Variants in PDE8A observed in about 807,000 individuals in gnomAD.
The protein encoded by PDE8A is high affinity cAMP-specific and IBMX-insensitive 3',5'-cyclic phosphodiesterase 8A.
In PDE8A, 59 loss-of-function variants were observed where a neutral mutation model predicts 105.0. That is an observed-to-expected ratio of 0.56 (90% CI 0.46 to 0.70). PDE8A has a LOEUF of 0.70. Ranked by LOEUF, PDE8A falls within the 30% of genes least tolerant of loss-of-function variation. PDE8A has a pLI of 0.00. For missense variants in PDE8A, 1,014 were observed against 1,045.9 expected (o/e 0.97, Z 0.42); for synonymous variants, 355 against 371.9 (o/e 0.95, Z 0.52).
chr15:85,038,216 G>GGT (rs773765859), intron 1 of PDE8A, among the ~76,000 whole-genome samples: 58 of 48,324 alleles, frequency 1.2e-3, no homozygotes, highest in East Asian at 7.4e-3. Flanking sequence ...CCAATTGGGG[G>GGT]GTGTGTGTGT....
intron 6 of PDE8A, among the ~76,000 whole-genome samples, chr15:85,085,386 ATT>A (rs2081534887): frequency 1.3e-5 from 2 of 152,232 alleles, no homozygotes; most frequent in South Asian, 4.1e-4. Context: ...TTACTGCTAG[ATT>A]GGTAAACTAG....
chr15:85,046,417 C>T (rs1032075382), intron 1 of PDE8A, among the ~76,000 whole-genome samples: 1 of 152,176 alleles, frequency 6.6e-6, no homozygotes, highest in Non-Finnish European at 1.5e-5. Context: ...TCCTGTATTA[C>T]ATACATATAT....
Position 85,107,796 on chromosome 15 carries a change from G to C in PDE8A, c.1037-1257G>C, listed in dbSNP as rs573724444. ...GTCTGGAGCTCAGGAGAGAGGCCTG[G>C]GGTAAGATGGCAACATAGGAATTAA... On this transcript the variant is annotated intron_variant, in intron 11 of 21. Transcript: ENST00000394553. Among the ~76,000 whole-genome samples, 13 of 152,242 alleles carry C rather than the reference G, an allele frequency of 8.5e-5. 1 individual carries two copies. In the South Asian group the frequency reaches 2.7e-3, roughly 32 times the overall value.
At chr15:85,116,191 G>T in intron 16 of PDE8A, 72 bp downstream of exon 16, 1 of 1,496,408 alleles carries the variant, frequency 6.7e-7, no homozygotes, top group Non-Finnish European at 9.2e-7. Flanking sequence ...TACCTGAGGA[G>T]TATGGATTGT....
chr15:85,031,734 G>T (rs1347007667), intron 1 of PDE8A, among the ~76,000 whole-genome samples: 1 of 152,030 alleles, frequency 6.6e-6, no homozygotes, highest in Non-Finnish European at 1.5e-5. Flanking sequence ...ATGTTCTGTG[G>T]TACATAGTAA....
intron 20 of PDE8A, among the ~76,000 whole-genome samples, chr15:85,135,690 C>T (rs1022285176): frequency 6.6e-6 from 1 of 152,166 alleles, no homozygotes; most frequent in South Asian, 2.1e-4. Flanking sequence ...ATGGACCTTA[C>T]CTCACCCTTT....
chr15:85,078,536 G>A (rs1292207060), intron 5 of PDE8A, among the ~76,000 whole-genome samples: 3 of 105,244 alleles, frequency 2.9e-5, no homozygotes, highest in East Asian at 3.2e-4. Flanking sequence ...GCAACAGAGC[G>A]ATACTCCATC....
chr15:85,017,757 G>A (rs2080350791), intron 1 of PDE8A, among the ~76,000 whole-genome samples: 1 of 151,694 alleles, frequency 6.6e-6, no homozygotes, highest in Non-Finnish European at 1.5e-5. Flanking sequence ...TGTGGTGGTG[G>A]GCACCTGTAA....
At chr15:85,136,760 G>A in intron 21 of PDE8A, 97 bp downstream of exon 21, 3 of 1,226,604 alleles carry the variant, frequency 2.4e-6, no homozygotes, top group Non-Finnish European at 3.4e-6. Context: ...TATGATTTGG[G>A]GCCTGGGCTT....
chr15:85,070,972 T>C (rs1409432212), intron 3 of PDE8A, among the ~76,000 whole-genome samples: 3 of 152,064 alleles, frequency 2.0e-5, no homozygotes, highest in African/African-American at 7.2e-5. Context: ...TTGATATCAA[T>C]GTCTCCTCCC....
chr15:85,136,724 A>G, intron 21 of PDE8A, 61 bp downstream of exon 21: 4 of 1,503,922 alleles, frequency 2.7e-6, no homozygotes, highest in Non-Finnish European at 3.6e-6. Flanking sequence ...CGCGTATGAA[A>G]GAGCAGAGTG....
At chr15:84,997,487 C>T (rs117821473) in intron 1 of PDE8A, among the ~76,000 whole-genome samples, 6,498 of 152,172 alleles carry the variant, frequency 0.043, 181 homozygotes, top group Non-Finnish European at 0.065. Flanking sequence ...TGAGCCAACG[C>T]ACCCAGCCTT....
rs1425609704 is a variant in PDE8A at position 85,114,005 on chromosome 15, C to A, written c.1318C>A (p.His440Asn). 6.2e-7 allele frequency: 1 copy of A among 1,613,870 alleles called. No individual in the cohort carries two copies. The highest frequency in any genetic ancestry group is 1.3e-5 in the African/African-American group (1 of 74,934). The change falls in exon 14 of 22, where the codon CAT becomes AAT. Residue 440 changes from histidine (H) to asparagine (N), a missense_variant. Coordinates refer to ENST00000394553, the MANE Select transcript of PDE8A (RefSeq NM_002605.3). Reference protein sequence around the residue: ...PQFGAKDDDPHANDLVGGLMS... With the variant: ...PQFGAKDDDPNANDLVGGLMS... ...GTTTGGTGCTAAAGATGATGATCCC[C>A]ATGCCAATGACCTTGTTGGGGGCTT...
intron 20 of PDE8A, among the ~76,000 whole-genome samples, 189 bp downstream of exon 20, chr15:85,126,563 T>A (rs1567304211): frequency 6.6e-6 from 1 of 151,934 alleles, no homozygotes; most frequent in Non-Finnish European, 1.5e-5. Flanking sequence ...CCCTTTATTC[T>A]TGCAGGATAT....
chr15:85,087,746 A>G (rs944255199), intron 6 of PDE8A, among the ~76,000 whole-genome samples: 2 of 152,194 alleles, frequency 1.3e-5, no homozygotes, highest in East Asian at 3.8e-4. Flanking sequence ...AATTATTGAT[A>G]TGGAAAGATT....
intron 20 of PDE8A, among the ~76,000 whole-genome samples, chr15:85,130,438 T>C (rs759627369): frequency 6.6e-6 from 1 of 152,214 alleles, no homozygotes; most frequent in Non-Finnish European, 1.5e-5. Flanking sequence ...AAAGGTACTT[T>C]GTATGACCTT....
At chr15:85,091,397 A>AT (rs1443574874) in intron 8 of PDE8A, among the ~76,000 whole-genome samples, 1 of 152,232 alleles carries the variant, frequency 6.6e-6, no homozygotes, top group Non-Finnish European at 1.5e-5. Flanking sequence ...AGTAACTTGA[A>AT]TTGACACTTA....
At chr15:85,089,837 G>T (rs971766612) in intron 7 of PDE8A, among the ~76,000 whole-genome samples, 1 of 152,112 alleles carries the variant, frequency 6.6e-6, no homozygotes, top group African/African-American at 2.4e-5. Context: ...AAATATACTA[G>T]AAACAACTAA....
chr15:85,045,747 T>G lies in PDE8A; in HGVS notation c.187-18623T>G, dbSNP rs1364106376. Among the ~76,000 whole-genome samples, 5 of 152,328 alleles carry G rather than the reference T, an allele frequency of 3.3e-5. No individual in the cohort carries two copies. The East Asian group carries it at 7.7e-4, about 24-fold the overall frequency. On this transcript the variant is annotated intron_variant, in intron 1 of 21. Coordinates refer to ENST00000394553, the MANE Select transcript of PDE8A (RefSeq NM_002605.3). ...GGTCCACAAGTGTCTGGATTTAGAC[T>G]CTTCCACACCTAAGAACTGGTATCT...
Sources: allele counts gnomAD v4.1 joint callset (sites outside exome capture counted in the v4.1 genomes callset), GRCh38; gene constraint gnomAD v4.1.1; transcripts MANE v1.5; gene names NCBI Gene and HGNC (gene_info 2026-07-23, HGNC 2026-07-21).